The following KIF1B variants were observed in gnomAD, a reference collection of about 807,000 sequenced individuals.
KIF1B encodes the protein kinesin-like protein KIF1B.
A neutral mutation model predicts 241.9 loss-of-function variants in KIF1B; 76 were observed. That is an observed-to-expected ratio of 0.31 (90% CI 0.26 to 0.38). The LOEUF (loss-of-function observed/expected upper bound fraction) is 0.38, where lower values mean the gene tolerates loss of function less well. Ranked by LOEUF, KIF1B falls within the 10% of genes least tolerant of loss-of-function variation. The pLI, the probability that KIF1B is intolerant of heterozygous loss-of-function variation, is 1.00. For missense variants in KIF1B, 1,622 were observed against 2,271.4 expected (o/e 0.71, Z 5.81); for synonymous variants, 750 against 796.7 (o/e 0.94, Z 0.99).
chr1:10,304,992 A>G (rs1650757335), intron 22 of KIF1B: 1 of 1,122,920 alleles, frequency 8.9e-7, no homozygotes, highest in East Asian at 4.5e-5. Flanking sequence ...TTAATCTGAC[A>G]TCCAGAAAGA....
At chr1:10,335,147 G>A (rs1249756025) in intron 28 of KIF1B, among the ~76,000 whole-genome samples, 1 of 152,082 alleles carries the variant, frequency 6.6e-6, no homozygotes, top group East Asian at 1.9e-4. Flanking sequence ...TCATTATGCT[G>A]CCCAGCATAG....
intron 1 of KIF1B, among the ~76,000 whole-genome samples, chr1:10,216,961 T>G (rs949930906): frequency 9.0e-5 from 3 of 33,368 alleles, no homozygotes; most frequent in African/African-American, 4.4e-4. Flanking sequence ...CATTTTCTTT[T>G]TTTTTTTTTT....
chr1:10,337,006 T>C lies in KIF1B; in HGVS notation c.3130-68T>C, dbSNP rs532434548. The C allele has an allele frequency of 1.2e-6, 2 of 1,600,152 alleles. No individual in the cohort carries two copies. Among genetic ancestry groups the C allele is most frequent in the Non-Finnish European group, 1.7e-6 (2 of 1,169,004 alleles). ...TATTTGTTGGACAGATAAACAGAAG[T>C]AAGGCAACTGGGGAAAAATACGTTT... On this transcript the variant is annotated intron_variant, in intron 29 of 48. Transcript: ENST00000676179. The surrounding 1 kb of genome is among the most constrained non-coding windows in gnomAD (Gnocchi z 4.0).
Position 10,268,091 on chromosome 1 carries a change from GT to G in KIF1B, c.609-60del, listed in dbSNP as rs911980975. 6 of 1,029,744 alleles carry G rather than the reference GT, an allele frequency of 5.8e-6. No individual in the cohort carries two copies. The African/African-American group carries it at 9.9e-5, about 17-fold the overall frequency. 63.8% of individuals were successfully genotyped at this position (1,029,744 alleles called of 1,614,324 possible). On this transcript the variant is annotated intron_variant, in intron 6 of 48. Coordinates refer to ENST00000676179, the MANE Select transcript of KIF1B (RefSeq NM_001365951.3). ...TTATGCTTATAATGTGGAGCCTGCT[GT>G]CCATTTCAACTCTCATCTAAGAATT...
At chr1:10,219,587 C>G (rs1478959963) in intron 1 of KIF1B, among the ~76,000 whole-genome samples, 8 of 149,326 alleles carry the variant, frequency 5.4e-5, no homozygotes, top group Non-Finnish European at 1.2e-4. Flanking sequence ...AGAACCCCAT[C>G]TCTACTAAAA....
Position 10,364,266 on chromosome 1 carries a change from G to A in KIF1B, c.4367-834G>A, listed in dbSNP as rs765058330. Among the ~76,000 whole-genome samples the A allele has an allele frequency of 8.5e-4, 125 of 147,702 alleles. 1 individual carries two copies. Among genetic ancestry groups the A allele is most frequent in the Non-Finnish European group, 1.3e-3 (87 of 67,412 alleles). On this transcript the variant is annotated intron_variant, in intron 41 of 48. Coordinates refer to ENST00000676179, the MANE Select transcript of KIF1B (RefSeq NM_001365951.3). Reference sequence around the variant, plus strand: ...GTCACCCAGGCTGGAGTGTGGTGGCGCCATCTTGGCTCACTGCAACCTCTG... The same window carrying A: ...GTCACCCAGGCTGGAGTGTGGTGGCACCATCTTGGCTCACTGCAACCTCTG...
At chr1:10,359,798 C>G (rs1638363574) in intron 38 of KIF1B, among the ~76,000 whole-genome samples, 1 of 151,986 alleles carries the variant, frequency 6.6e-6, no homozygotes, top group South Asian at 2.1e-4. Context: ...CTTTGGGAGG[C>G]CAAGGTGGGC....
rs3819096 is a variant in KIF1B at position 10,326,492 on chromosome 1, A to G, written c.2924+133A>G. 32,650 of 1,187,128 alleles carry G rather than the reference A, an allele frequency of 0.028. 621 individuals are homozygous for G. Among genetic ancestry groups the G allele is most frequent in the Middle Eastern group, 0.083 (395 of 4,750 alleles). 73.5% of individuals were successfully genotyped at this position (1,187,128 alleles called of 1,614,324 possible). A position where few individuals can be genotyped will look rare whatever the true frequency, so the allele number is the denominator to read the frequency against. On this transcript the variant is annotated intron_variant, in intron 27 of 48. Transcript: ENST00000676179. This position sits in a 1 kb window ranked among gnomAD's most constrained non-coding sequence, Gnocchi z 5.2. Reference sequence around the variant, plus strand: ...AATGCTCTTTTTCAAGTTCTCCAATACTTCAAGCTCTTAGTCAGTGCTGGT... The same window carrying G: ...AATGCTCTTTTTCAAGTTCTCCAATGCTTCAAGCTCTTAGTCAGTGCTGGT...
At chr1:10,306,777 A>AG in intron 22 of KIF1B, 1 of 996,356 alleles carries the variant, frequency 1.0e-6, no homozygotes. Context: ...AAAAAAAAAA[A>AG]AAAAAAAGGT....
intron 27 of KIF1B, among the ~76,000 whole-genome samples, chr1:10,328,736 CA>C (rs1467603956): frequency 6.6e-6 from 1 of 152,208 alleles, no homozygotes; most frequent in Non-Finnish European, 1.5e-5. Flanking sequence ...TCTTACGTAA[CA>C]TGGTGAGGAG....
intron 35 of KIF1B, 24 bp downstream of exon 35, chr1:10,345,977 T>G (rs768177153): frequency 6.9e-7 from 1 of 1,443,710 alleles, no homozygotes; most frequent in Non-Finnish European, 9.7e-7. Flanking sequence ...AATAAATTTT[T>G]AAATAAGGCA....
chr1:10,342,314 A>G (rs1557725671), intron 33 of KIF1B, 146 bp downstream of exon 33: 5 of 695,334 alleles, frequency 7.2e-6, no homozygotes, highest in Non-Finnish European at 1.0e-5. Context: ...AAACTTCACT[A>G]TCATCTTATA....
intron 35 of KIF1B, among the ~76,000 whole-genome samples, chr1:10,346,626 A>G (rs771170320): frequency 6.6e-6 from 1 of 152,242 alleles, no homozygotes; most frequent in Non-Finnish European, 1.5e-5. Flanking sequence ...CAGCCTCCCA[A>G]AGTGCTGGGA....
intron 1 of KIF1B, among the ~76,000 whole-genome samples, chr1:10,225,392 A>G (rs77505267): frequency 6.6e-6 from 1 of 152,090 alleles, no homozygotes; most frequent in African/African-American, 2.4e-5. Flanking sequence ...AACTGAGACA[A>G]GAGAGTCACT....
chr1:10,250,056 C>G (rs1647352124), intron 2 of KIF1B, among the ~76,000 whole-genome samples: 1 of 152,066 alleles, frequency 6.6e-6, no homozygotes, highest in African/African-American at 2.4e-5. Context: ...GATGATCCTC[C>G]CACCTTGGCC....
In KIF1B at chr1:10,375,599, G is replaced by A. The variant is rs183789295; in HGVS notation, c.5408+226G>A. 6.2e-3 allele frequency among the ~76,000 whole-genome samples: 935 copies of A among 152,012 alleles called. 5 individuals are homozygous for A. Among genetic ancestry groups the A allele is most frequent in the Non-Finnish European group, 0.011 (741 of 67,982 alleles). ...GGGGTTTTACCACAATGGCCAGGCT[G>A]GTCTCAAACTCCTGACCTCAAGTAA... On this transcript the variant is annotated intron_variant, in intron 48 of 48. Coordinates refer to ENST00000676179, the MANE Select transcript of KIF1B (RefSeq NM_001365951.3).
At chr1:10,295,617 C>T (rs1650221788) in intron 18 of KIF1B, 43 bp from the exon 19 acceptor site, 7 of 1,547,922 alleles carry the variant, frequency 4.5e-6, no homozygotes, top group South Asian at 4.5e-5. Flanking sequence ...GTAGTGCTTT[C>T]TGTGTCTGAA....
intron 15 of KIF1B, among the ~76,000 whole-genome samples, chr1:10,289,482 G>C (rs1649878673): frequency 6.6e-6 from 1 of 152,102 alleles, no homozygotes; most frequent in Non-Finnish European, 1.5e-5. Flanking sequence ...CCTCACTTTA[G>C]ATTGCTCCCT....
chr1:10,334,760 A>G, intron 28 of KIF1B, 122 bp downstream of exon 28: 1 of 749,106 alleles, frequency 1.3e-6, no homozygotes, highest in Non-Finnish European at 2.4e-6. Context: ...TATGTGTAAT[A>G]TACAGACACA....
Sources: gnomAD v4.1 joint callset for allele counts (sites outside exome capture counted in the v4.1 genomes callset) on GRCh38, gnomAD v4.1.1 for gene constraint, Gnocchi (gnomAD v3.1) non-coding constraint, MANE v1.5 for transcripts, NCBI Gene and HGNC (gene_info 2026-07-23, HGNC 2026-07-21) for gene names.